Variants in PTPRK observed in about 807,000 individuals in gnomAD.
The protein encoded by PTPRK is receptor-type tyrosine-protein phosphatase kappa.
A neutral mutation model predicts 178.0 loss-of-function variants in PTPRK; 75 were observed. That is an observed-to-expected ratio of 0.42 (90% CI 0.35 to 0.51). The LOEUF (loss-of-function observed/expected upper bound fraction) is 0.51. Among genes scored for constraint, PTPRK ranks in the 20% least tolerant of loss-of-function variants. The pLI, the probability that PTPRK is intolerant of heterozygous loss-of-function variation, is 0.02. For missense variants in PTPRK, 1,441 were observed against 1,797.8 expected, an observed-to-expected ratio of 0.80 and a Z score of 3.59; for synonymous variants, 637 against 620.6, an observed-to-expected ratio of 1.03 and a Z score of -0.39.
At chr6:128,077,490 A>C (rs1784050131) in intron 11 of PTPRK, among the ~76,000 whole-genome samples, 1 of 151,886 alleles carries the variant, frequency 6.6e-6, no homozygotes, top group Non-Finnish European at 1.5e-5. Flanking sequence ...TTAAGAAAAA[A>C]TATTTCTTCA....
At chr6:128,277,912 A>C (rs560775490) in intron 3 of PTPRK, among the ~76,000 whole-genome samples, 177 of 152,078 alleles carry the variant, frequency 1.2e-3, no homozygotes, top group African/African-American at 4.1e-3. Context: ...AATGGGCATG[A>C]TATGAGAACA....
intron 1 of PTPRK, among the ~76,000 whole-genome samples, chr6:128,507,163 C>T (rs1218315124): frequency 6.6e-6 from 1 of 152,150 alleles, no homozygotes; most frequent in Non-Finnish European, 1.5e-5. Flanking sequence ...ATGCTCTATA[C>T]TATGTGTGGA....
chr6:128,286,874 C>T (rs1822592015), intron 3 of PTPRK, among the ~76,000 whole-genome samples: 1 of 152,184 alleles, frequency 6.6e-6, no homozygotes, highest in African/African-American at 2.4e-5. Context: ...TTTGAACACT[C>T]TATCCAATAC....
At chr6:128,161,821 CA>C (rs1798751996) in intron 7 of PTPRK, among the ~76,000 whole-genome samples, 1 of 151,440 alleles carries the variant, frequency 6.6e-6, no homozygotes, top group Non-Finnish European at 1.5e-5. Context: ...GACAAATAAA[CA>C]TATTTGTCAA....
At chr6:128,477,711 A>C (rs1422381779) in intron 1 of PTPRK, among the ~76,000 whole-genome samples, 1 of 152,184 alleles carries the variant, frequency 6.6e-6, no homozygotes, top group East Asian at 1.9e-4. Flanking sequence ...AAACTGTGTA[A>C]CATGTAGCTG....
At chr6:128,030,219 C>CAGCTAACACT (rs1230448660) in intron 13 of PTPRK, among the ~76,000 whole-genome samples, 1 of 152,058 alleles carries the variant, frequency 6.6e-6, no homozygotes, top group Non-Finnish European at 1.5e-5. Context: ...GGGCTGTGAG[C>CAGCTAACACT]CAATAGCAGC....
At chr6:128,183,237 C>T (rs1033278490) in intron 7 of PTPRK, among the ~76,000 whole-genome samples, 3 of 152,056 alleles carry the variant, frequency 2.0e-5, no homozygotes, top group African/African-American at 7.2e-5. Flanking sequence ...CTTGCCTCTC[C>T]CTCAGAAAGT....
chr6:128,090,730 C>G (rs569406550), intron 7 of PTPRK, among the ~76,000 whole-genome samples: 36 of 152,268 alleles, frequency 2.4e-4, no homozygotes, highest in Non-Finnish European at 4.0e-4. Flanking sequence ...TTCACTGCTT[C>G]CCAAGTGTAT....
chr6:128,023,613 T>C (rs569489660), intron 13 of PTPRK, among the ~76,000 whole-genome samples: 1 of 152,280 alleles, frequency 6.6e-6, no homozygotes, highest in South Asian at 2.1e-4. Flanking sequence ...AACTATCATT[T>C]CTCACCTAGA....
chr6:128,458,695 G>A (rs1428292518), intron 1 of PTPRK, among the ~76,000 whole-genome samples: 1 of 152,138 alleles, frequency 6.6e-6, no homozygotes, highest in Non-Finnish European at 1.5e-5. Context: ...AAGTCATGAT[G>A]TTGTACATCT....
At chr6:128,379,212 CTCTA>C (rs765057549) in intron 2 of PTPRK, among the ~76,000 whole-genome samples, 15 of 152,066 alleles carry the variant, frequency 9.9e-5, no homozygotes, top group Non-Finnish European at 1.6e-4. Context: ...TTTCTACTCT[CTCTA>C]TCTCTGTACT....
At chr6:128,369,337 G>C (rs1437118650) in intron 2 of PTPRK, among the ~76,000 whole-genome samples, 2 of 151,980 alleles carry the variant, frequency 1.3e-5, no homozygotes, top group Non-Finnish European at 2.9e-5. Context: ...TTAAAGGCAG[G>C]GAACCCCAGG....
chr6:128,192,483 T>C (rs2114725131), intron 6 of PTPRK, among the ~76,000 whole-genome samples: 1 of 152,212 alleles, frequency 6.6e-6, no homozygotes, highest in Non-Finnish European at 1.5e-5. Context: ...AATGACTGCC[T>C]TAACAATGCC....
At chr6:128,128,450 G>A (rs1793715681) in intron 7 of PTPRK, among the ~76,000 whole-genome samples, 2 of 152,210 alleles carry the variant, frequency 1.3e-5, no homozygotes, top group South Asian at 4.1e-4. Context: ...CCCTTCAAAT[G>A]GACACAGGTA....
At chr6:127,992,106 C>T (rs1238506151) in intron 19 of PTPRK, among the ~76,000 whole-genome samples, 2 of 151,790 alleles carry the variant, frequency 1.3e-5, no homozygotes, top group Non-Finnish European at 1.5e-5. Context: ...GAGATAACTA[C>T]AGATGCTTTT....
At chr6:128,229,122 T>C (rs1444123300) in intron 5 of PTPRK, among the ~76,000 whole-genome samples, 2 of 149,258 alleles carry the variant, frequency 1.3e-5, no homozygotes, top group Non-Finnish European at 2.9e-5. Context: ...GGTGGGCTAA[T>C]ATTGAATATT....
chr6:128,340,861 C>A, intron 2 of PTPRK: 1 of 420,540 alleles, frequency 2.4e-6, no homozygotes, highest in Non-Finnish European at 4.6e-6. Flanking sequence ...TGTTATTTTT[C>A]TTTAATATTA....
At chr6:128,492,705 A>G (rs1465999785) in intron 1 of PTPRK, among the ~76,000 whole-genome samples, 1 of 152,162 alleles carries the variant, frequency 6.6e-6, no homozygotes, top group Non-Finnish European at 1.5e-5. Flanking sequence ...CTACTACTCT[A>G]TTGAATATAA....
intron 7 of PTPRK, among the ~76,000 whole-genome samples, chr6:128,139,883 C>T (rs1185162375): frequency 2.6e-5 from 1 of 38,918 alleles, no homozygotes; most frequent in East Asian, 3.3e-3. Flanking sequence ...ATTTCACTAG[C>T]AACATTTTTT....
Sources: gnomAD v4.1 joint callset for allele counts (sites outside exome capture counted in the v4.1 genomes callset) on GRCh38, gnomAD v4.1.1 for gene constraint, MANE v1.5 for transcripts, NCBI Gene and HGNC (gene_info 2026-07-23, HGNC 2026-07-21) for gene names.